PUM3: variants seen among roughly 807,000 people sequenced by gnomAD.
PUM3 encodes pumilio homolog 3.
Under a neutral mutation model 84.0 loss-of-function variants are expected in PUM3, and 91 were observed. The ratio of observed to expected loss-of-function variants is 1.08; its 90% confidence interval spans 0.91 to 1.29. PUM3 has a LOEUF of 1.29. Among genes scored for constraint, PUM3 ranks in the 50% most tolerant of loss-of-function variants. The pLI is 0.00. For synonymous variants in PUM3, 321 were observed against 266.7 expected (o/e 1.20, Z -1.98); for missense variants, 1,067 against 767.5 (o/e 1.39, Z -4.61).
chr9:2,817,886 T>C (rs1205096949), intron 13 of PUM3, among the ~76,000 whole-genome samples: 1 of 152,194 alleles, frequency 6.6e-6, no homozygotes, highest in South Asian at 2.1e-4. Context: ...AATTGGCTAG[T>C]ATACTTATTT....
intron 5 of PUM3, among the ~76,000 whole-genome samples, chr9:2,831,846 T>C (rs755626888): frequency 6.6e-6 from 1 of 152,220 alleles, no homozygotes; most frequent in Non-Finnish European, 1.5e-5. Context: ...CTGTCAATTA[T>C]ATAATAAGTT....
At chr9:2,843,857 C>G (rs1357692617) in intron 1 of PUM3, among the ~76,000 whole-genome samples, 188 bp downstream of exon 1, 1 of 151,858 alleles carries the variant, frequency 6.6e-6, no homozygotes, top group Non-Finnish European at 1.5e-5. Context: ...GGATTACAGG[C>G]GTGAGCCACC....
At position 2,828,665 on chromosome 9, in the gene PUM3, A is replaced by G; in HGVS notation, c.956+10T>C. 4.0e-6 allele frequency: 6 copies of G among 1,482,696 alleles called. No individual in the cohort carries two copies. The Middle Eastern group carries it at 5.4e-4, about 134-fold the overall frequency. The allele number at this position is 1,482,696 out of a possible 1,614,324, so 91.8% of individuals were successfully genotyped here. A position where few individuals can be genotyped will look rare whatever the true frequency, so the allele number is the denominator to read the frequency against. On this transcript the variant is annotated intron_variant, in intron 9 of 17. Coordinates refer to ENST00000397885, the MANE Select transcript of PUM3 (RefSeq NM_014878.5). ...ATTTCTTAAGAACAAAACAAAAACA[A>G]CTTTCTTACTTTTGGGCCATTGGAG... is the stretch of plus-strand genomic sequence containing the variant.
intron 1 of PUM3, among the ~76,000 whole-genome samples, chr9:2,840,182 T>A (rs1489429571): frequency 1.3e-5 from 2 of 152,234 alleles, no homozygotes; most frequent in African/African-American, 4.8e-5. Context: ...CATGACTTAT[T>A]ACTGTTTATG....
intron 15 of PUM3, among the ~76,000 whole-genome samples, chr9:2,811,128 T>C (rs906952318): frequency 1.3e-5 from 2 of 152,220 alleles, no homozygotes; most frequent in African/African-American, 2.4e-5. Flanking sequence ...TACTTGGCAA[T>C]GATTTCATTC....
At position 2,804,346 on chromosome 9, in the gene PUM3, T is replaced by C. The variant is rs771545042; in HGVS notation, c.1932A>G (p.Glu644=). 5 of 1,613,602 alleles carry C rather than the reference T, an allele frequency of 3.1e-6. No individual in the cohort carries two copies. The East Asian group carries it at 8.9e-5, about 29-fold the overall frequency. The change falls in exon 18 of 18, where the codon GAA becomes GAG. Residue 644 remains glutamate (E), a synonymous_variant. Transcript: ENST00000397885. Reference sequence around the variant, plus strand: ...CTCTTTCCACCTATGTGCTCAGTTTTTCAAGTAGAATTTCTATTCCTTTGC... The same window carrying C: ...CTCTTTCCACCTATGTGCTCAGTTTCTCAAGTAGAATTTCTATTCCTTTGC... ...STSKGIEILL[E]KLST
At chr9:2,824,473 T>G (rs1271040832) in intron 11 of PUM3, among the ~76,000 whole-genome samples, 1 of 152,248 alleles carries the variant, frequency 6.6e-6, no homozygotes, top group Non-Finnish European at 1.5e-5. Context: ...ACTTGCTTGA[T>G]AGATCTCTTC....
chr9:2,815,492 G>A (rs977946478), intron 13 of PUM3, among the ~76,000 whole-genome samples: 1 of 152,082 alleles, frequency 6.6e-6, no homozygotes, highest in African/African-American at 2.4e-5. Context: ...TTTAATCTCC[G>A]GGGTCTTAAG....
Position 2,824,741 on chromosome 9 carries a change from G to C in PUM3, c.1110C>G (p.His370Gln). 6.3e-7 allele frequency: 1 copy of C among 1,577,994 alleles called. No individual in the cohort carries two copies. The highest frequency in any genetic ancestry group is 2.3e-5 in the East Asian group (1 of 43,950). ...CCTTGGGCGTGCCATGCCACAGGCAGTGCATGGCCACTCTGGCGCCATCGT... is the reference window on the plus strand; with the variant it reads ...CCTTGGGCGTGCCATGCCACAGGCACTGCATGGCCACTCTGGCGCCATCGT... ...HTHDGARVAM[H>Q]CLWHGTPKDR... is the part of the protein sequence containing the mutation. The change falls in exon 11 of 18, where the codon CAC becomes CAG. Residue 370 changes from histidine (H) to glutamine (Q), a missense_variant. By Grantham distance (24) the His-to-Gln change is conservative (BLOSUM62 0). Coordinates refer to ENST00000397885, the MANE Select transcript of PUM3 (RefSeq NM_014878.5).
chr9:2,811,314 T>C, intron 15 of PUM3, 47 bp downstream of exon 15: 1 of 1,582,984 alleles, frequency 6.3e-7, no homozygotes, highest in Non-Finnish European at 8.7e-7. Context: ...AAACGAAGTT[T>C]TTGTGGCCTT....
chr9:2,822,706 T>C (rs1174235517), intron 12 of PUM3, among the ~76,000 whole-genome samples: 1 of 139,810 alleles, frequency 7.2e-6, no homozygotes, highest in Non-Finnish European at 1.6e-5. Context: ...ATTATAATTA[T>C]GAATTATATT....
At chr9:2,814,769 A>C (rs934617450) in intron 13 of PUM3, among the ~76,000 whole-genome samples, 2 of 152,206 alleles carry the variant, frequency 1.3e-5, no homozygotes, top group East Asian at 3.8e-4. Context: ...ATGACTCTGA[A>C]ATATAACACC....
intron 12 of PUM3, among the ~76,000 whole-genome samples, chr9:2,823,444 C>T (rs1380997450): frequency 6.6e-6 from 1 of 152,096 alleles, no homozygotes; most frequent in Non-Finnish European, 1.5e-5. Flanking sequence ...AAAATATGTA[C>T]ATACTGTATC....
At chr9:2,822,666 CA>C (rs1277851996) in intron 12 of PUM3, among the ~76,000 whole-genome samples, 2 of 148,770 alleles carry the variant, frequency 1.3e-5, no homozygotes, top group African/African-American at 2.5e-5. Flanking sequence ...GAATGTCACG[CA>C]AAAAAATTTA....
At chr9:2,833,988 C>A (rs768398679) in intron 4 of PUM3, 43 bp downstream of exon 4, 27 of 1,593,968 alleles carry the variant, frequency 1.7e-5, no homozygotes, top group Middle Eastern at 1.7e-4. Flanking sequence ...GACTTCTCCA[C>A]TGTTGCAAAG....
At chr9:2,841,531 A>C (rs1254428399) in intron 1 of PUM3, among the ~76,000 whole-genome samples, 1 of 152,120 alleles carries the variant, frequency 6.6e-6, no homozygotes, top group Non-Finnish European at 1.5e-5. Context: ...TTGTGCCACT[A>C]CACTCCAGCC....
At chr9:2,843,205 G>T (rs1043409109) in intron 1 of PUM3, among the ~76,000 whole-genome samples, 6 of 152,106 alleles carry the variant, frequency 3.9e-5, no homozygotes, top group African/African-American at 1.4e-4. Flanking sequence ...AGGCCCTACA[G>T]AACCTAGTTC....
intron 3 of PUM3, among the ~76,000 whole-genome samples, chr9:2,835,981 T>C (rs1875441): frequency 0.56 from 84,391 of 151,298 alleles, 23,729 homozygotes; most frequent in South Asian, 0.61. Context: ...AGTAGAGAGG[T>C]TAGGAAAGAG....
At chr9:2,830,910 C>T in intron 7 of PUM3, 52 bp downstream of exon 7, 1 of 920,650 alleles carries the variant, frequency 1.1e-6, no homozygotes. Flanking sequence ...AGTTGGAAAC[C>T]ATGTCTTCAA....
Sources: allele counts gnomAD v4.1 joint callset (sites outside exome capture counted in the v4.1 genomes callset), GRCh38; gene constraint gnomAD v4.1.1; transcripts MANE v1.5; gene names NCBI Gene and HGNC (gene_info 2026-07-23, HGNC 2026-07-21).